The following RECK variants were observed in gnomAD, a reference collection of about 807,000 sequenced individuals.
The protein encoded by RECK is reversion inducing cysteine rich protein with kazal motifs, also known as reversion-inducing cysteine-rich protein with Kazal motifs.
RECK carries 69 observed loss-of-function variants against 115.1 expected under a neutral mutation model. The ratio of observed to expected loss-of-function variants is 0.60; its 90% CI spans 0.49 to 0.73. The LOEUF (loss-of-function observed/expected upper bound fraction) is 0.73. Among genes scored for constraint, RECK ranks in the 30% least tolerant of loss-of-function variants. The probability of loss-of-function intolerance (pLI) is 0.00; values close to 1 mark genes in which losing one functional copy is unlikely to be tolerated. For synonymous variants in RECK, 414 were observed against 419.7 expected (o/e 0.99, Z 0.17); for missense variants, 1,047 against 1,203.7 (o/e 0.87, Z 1.93).
intron 4 of RECK, among the ~76,000 whole-genome samples, 200 bp from the exon 5 acceptor site, chr9:36,063,595 T>C (rs1037190963): frequency 6.6e-6 from 1 of 152,162 alleles, no homozygotes; most frequent in Admixed American, 6.5e-5. Context: ...ATAATTATGC[T>C]GTGAGGGACT....
chr9:36,109,245 A>G (rs112793953), intron 14 of RECK, among the ~76,000 whole-genome samples: 13 of 152,300 alleles, frequency 8.5e-5, no homozygotes, highest in African/African-American at 2.6e-4. Flanking sequence ...GGGGGATGAG[A>G]TCATGCTTTA....
chr9:36,066,432 G>A (rs1448306785), intron 6 of RECK, among the ~76,000 whole-genome samples: 5 of 152,024 alleles, frequency 3.3e-5, no homozygotes, highest in African/African-American at 1.2e-4. Context: ...GGAGAAGGTA[G>A]AATAACTCTC....
intron 1 of RECK, among the ~76,000 whole-genome samples, chr9:36,047,659 A>G (rs377130373): frequency 6.6e-6 from 1 of 152,256 alleles, no homozygotes; most frequent in East Asian, 1.9e-4. Flanking sequence ...CCCTTCATAG[A>G]AAGTAACTAC....
At chr9:36,112,502 T>C in intron 16 of RECK, 26 bp downstream of exon 16, 1 of 1,609,160 alleles carries the variant, frequency 6.2e-7, no homozygotes, top group Non-Finnish European at 8.5e-7. Context: ...TCTTATTTTA[T>C]TCAACTGAAG....
intron 7 of RECK, among the ~76,000 whole-genome samples, chr9:36,081,559 C>T (rs913633697): frequency 2.0e-5 from 3 of 152,116 alleles, no homozygotes; most frequent in Non-Finnish European, 2.9e-5. Flanking sequence ...TTTGGCCAGG[C>T]GCTGTGGCTC....
chr9:36,109,675 C>T (rs1021170948), intron 14 of RECK, among the ~76,000 whole-genome samples: 3 of 152,060 alleles, frequency 2.0e-5, no homozygotes, highest in Non-Finnish European at 4.4e-5. Context: ...GAAACCCTGT[C>T]TCTACAAAAA....
chr9:36,037,094 T>C lies in RECK; in HGVS notation c.96T>C (p.Ser32=). 2 of 1,327,760 alleles carry C rather than the reference T, an allele frequency of 1.5e-6. No individual in the cohort carries two copies. The highest frequency in any genetic ancestry group is 1.9e-6 in the Non-Finnish European group (2 of 1,034,590). 82.2% of individuals were successfully genotyped at this position (1,327,760 alleles called of 1,614,324 possible). ...TGGCAGGGGGCCTGGCTCCGGGCAG[T>C]GCGGGTGAGTAACCTCCAGAGCAAC... ...AEVAGGLAPG[S]AGALCCNHSK... Residue 32 remains serine (S), a synonymous_variant, in exon 1 of 21, where the codon AGT becomes AGC. Coordinates refer to ENST00000377966, the MANE Select transcript of RECK (RefSeq NM_021111.3).
intron 6 of RECK, among the ~76,000 whole-genome samples, chr9:36,077,538 C>G (rs973835166): frequency 6.6e-6 from 1 of 152,072 alleles, no homozygotes; most frequent in Non-Finnish European, 1.5e-5. Context: ...TGCTGGTATA[C>G]TGGAATGAAG....
At chr9:36,081,490 A>C (rs1426210763) in intron 7 of RECK, among the ~76,000 whole-genome samples, 1 of 151,688 alleles carries the variant, frequency 6.6e-6, no homozygotes, top group Non-Finnish European at 1.5e-5. Flanking sequence ...CCCCACCACC[A>C]CCCCCAATGT....
intron 10 of RECK, among the ~76,000 whole-genome samples, chr9:36,092,868 G>GA (rs993434270): frequency 2.0e-4 from 29 of 147,788 alleles, no homozygotes; most frequent in Admixed American, 9.4e-4. Context: ...GATATTGAAG[G>GA]AAAAAAAAAA....
intron 17 of RECK, among the ~76,000 whole-genome samples, chr9:36,118,022 C>G (rs1241245990): frequency 6.6e-6 from 1 of 152,142 alleles, no homozygotes; most frequent in African/African-American, 2.4e-5. Context: ...TGAGGCTTCT[C>G]ACATGCACCA....
At chr9:36,047,542 T>C (rs1821111588) in intron 1 of RECK, among the ~76,000 whole-genome samples, 1 of 151,742 alleles carries the variant, frequency 6.6e-6, no homozygotes, top group African/African-American at 2.4e-5. Flanking sequence ...AAGGTGGAGG[T>C]TGTAGTGAGC....
rs1824530224 is a variant in RECK at position 36,123,298 on chromosome 9, A to T, written c.*253A>T. The T allele has an allele frequency of 2.4e-6, 1 of 408,672 alleles. No individual in the cohort carries two copies. Among genetic ancestry groups the T allele is most frequent in the South Asian group, 4.4e-5 (1 of 22,634 alleles). The allele number at this position is 408,672 out of a possible 1,614,324, so 25.3% of individuals were successfully genotyped here. A position where few individuals can be genotyped will look rare whatever the true frequency, so the allele number is the denominator to read the frequency against. ...CTTCCTGGTAGACCACTGCCATATG[A>T]TTTACATTTCCTCACCATAAGGGTC... On this transcript the variant is annotated 3_prime_UTR_variant, in exon 21 of 21. Coordinates refer to ENST00000377966, the MANE Select transcript of RECK (RefSeq NM_021111.3).
chr9:36,099,480 T>C (rs80266085), intron 10 of RECK, among the ~76,000 whole-genome samples: 212 of 152,346 alleles, frequency 1.4e-3, no homozygotes, highest in Non-Finnish European at 2.2e-3. Flanking sequence ...GGGTTTATTA[T>C]AATTTTAAAT....
chr9:36,081,334 A>G (rs7846877), intron 7 of RECK, among the ~76,000 whole-genome samples: 93,006 of 152,026 alleles, frequency 0.61, 29,950 homozygotes, highest in East Asian at 0.82. Flanking sequence ...TTTCTAACTG[A>G]GGCTTAGTTC....
At chr9:36,057,793 C>T (rs1191364091) in intron 2 of RECK, among the ~76,000 whole-genome samples, 1 of 151,988 alleles carries the variant, frequency 6.6e-6, no homozygotes, top group African/African-American at 2.4e-5. Flanking sequence ...TACACCCCAG[C>T]CTGGGTGATA....
intron 16 of RECK, among the ~76,000 whole-genome samples, chr9:36,113,834 A>G (rs960720685): frequency 3.9e-5 from 6 of 152,236 alleles, no homozygotes; most frequent in Non-Finnish European, 8.8e-5. Flanking sequence ...CATAAACATA[A>G]AAAAAGAAAT....
At chr9:36,046,276 T>C (rs1336094844) in intron 1 of RECK, among the ~76,000 whole-genome samples, 1 of 152,214 alleles carries the variant, frequency 6.6e-6, no homozygotes, top group Non-Finnish European at 1.5e-5. Flanking sequence ...ATTGTAATAG[T>C]TGAATGACCC....
Position 36,122,973 on chromosome 9 carries a change from G to C in RECK, c.2844G>C (p.Arg948Ser). The change falls in exon 21 of 21, where the codon AGG becomes AGC. Residue 948 changes from arginine (R) to serine (S), a missense_variant. Arg to Ser is a moderately radical substitution (Grantham distance 110). Transcript: ENST00000377966. ...SSVPSAGVRA[R>S]PSCHSLLLPL... ...TGCCATCGGCCGGTGTCAGGGCCAG[G>C]CCTTCTTGCCACTCCCTCCTCCTTC... 6.2e-7 allele frequency: 1 copy of C among 1,614,116 alleles called. No homozygotes were observed. The highest frequency in any genetic ancestry group is 1.1e-5 in the South Asian group (1 of 91,078).
Sources: gnomAD v4.1 joint callset for allele counts (sites outside exome capture counted in the v4.1 genomes callset) on GRCh38, gnomAD v4.1.1 for gene constraint, MANE v1.5 for transcripts, NCBI Gene and HGNC (gene_info 2026-07-23, HGNC 2026-07-21) for gene names.